BICDL1: variants seen among roughly 807,000 people sequenced by gnomAD.
BICDL1 encodes the protein BICD family like cargo adaptor 1.
Under a neutral mutation model 76.8 loss-of-function variants are expected in BICDL1, and 20 were observed. That is an observed-to-expected ratio of 0.26 (90% CI 0.18 to 0.38). BICDL1 has a LOEUF of 0.38. BICDL1 is among the 10% of genes least tolerant of loss of function. BICDL1 has a pLI of 1.00. For synonymous variants in BICDL1, 383 were observed against 337.1 expected, an observed-to-expected ratio of 1.14 and a Z score of -1.49; for missense variants, 700 against 798.6, an observed-to-expected ratio of 0.88 and a Z score of 1.49.
At chr12:120,057,776 C>T (rs904631285) in intron 2 of BICDL1, among the ~76,000 whole-genome samples, 3 of 150,296 alleles carry the variant, frequency 2.0e-5, no homozygotes, top group Non-Finnish European at 2.9e-5. Flanking sequence ...ACCCTTGGAG[C>T]CTCTATCTCC....
chr12:120,052,733 T>TG (rs1463915199), intron 2 of BICDL1, among the ~76,000 whole-genome samples: 1 of 152,254 alleles, frequency 6.6e-6, no homozygotes, highest in Non-Finnish European at 1.5e-5. Context: ...TCTCTGGTCT[T>TG]GCCTGCAGCA....
intron 1 of BICDL1, chr12:119,992,782 A>G (rs1951551764): frequency 6.6e-6 from 1 of 152,212 alleles, no homozygotes; most frequent in South Asian, 2.1e-4. Context: ...AAAATTTATA[A>G]TCTTCCACAA....
intron 2 of BICDL1, among the ~76,000 whole-genome samples, chr12:120,038,574 G>T (rs962332944): frequency 6.6e-6 from 1 of 151,772 alleles, no homozygotes; most frequent in African/African-American, 2.4e-5. Flanking sequence ...TTCATTGTTG[G>T]TTTTCTTTAA....
At chr12:120,051,536 CTA>C (rs1484235366) in intron 2 of BICDL1, among the ~76,000 whole-genome samples, 2 of 151,690 alleles carry the variant, frequency 1.3e-5, no homozygotes, top group Non-Finnish European at 2.9e-5. Flanking sequence ...TATTAGAAAA[CTA>C]TTTATGGAGA....
chr12:120,047,860 T>C (rs981100340), intron 2 of BICDL1, among the ~76,000 whole-genome samples: 1 of 152,224 alleles, frequency 6.6e-6, no homozygotes, highest in African/African-American at 2.4e-5. Context: ...GTGCTTTATA[T>C]TGGCTGCTTC....
At chr12:119,999,835 T>C in intron 2 of BICDL1, 1 of 434,746 alleles carries the variant, frequency 2.3e-6, no homozygotes. Context: ...AACTCTTCAG[T>C]TACCGGAGGA....
intron 8 of BICDL1, among the ~76,000 whole-genome samples, chr12:120,089,366 C>G (rs1009950984): frequency 1.3e-5 from 2 of 150,904 alleles, no homozygotes; most frequent in Non-Finnish European, 2.9e-5. Flanking sequence ...CGGAGTTCTG[C>G]TCTTTCAACG....
At chr12:120,080,599 A>G in intron 7 of BICDL1, 1 of 263,170 alleles carries the variant, frequency 3.8e-6, no homozygotes, top group South Asian at 5.4e-5. Context: ...TGGAGGAGGT[A>G]GTATGCCGTG....
rs1028630279 is a variant in BICDL1, at chr12:120,079,757, C to T, written c.1453-1130C>T. On this transcript the variant is annotated intron_variant, in intron 7 of 9. Transcript: ENST00000548673. The surrounding 1 kb of genome is among the most constrained non-coding windows in gnomAD (Gnocchi z 4.3). ...GAATCAACAGGAAAGTGGGAGAACC[C>T]GGTTCCAAAACAAGAAAGGGCCATG... 6.6e-6 allele frequency among the ~76,000 whole-genome samples: 1 copy of T among 152,140 alleles called. No individual in the cohort carries two copies. The highest frequency in any genetic ancestry group is 1.5e-5 in the Non-Finnish European group (1 of 68,034).
intron 8 of BICDL1, among the ~76,000 whole-genome samples, chr12:120,089,627 C>T (rs1172661525): frequency 6.6e-6 from 1 of 152,212 alleles, no homozygotes; most frequent in Non-Finnish European, 1.5e-5. Flanking sequence ...GGTGATCCAC[C>T]CGCCTCGGCC....
At position 120,093,069 on chromosome 12, in the gene BICDL1, G is replaced by A. The variant is rs946501437; in HGVS notation, c.1774G>A (p.Ala592Thr). 8 of 1,604,730 alleles carry A rather than the reference G, an allele frequency of 5.0e-6. No individual in the cohort carries two copies. The African/African-American group carries it at 8.0e-5, about 16-fold the overall frequency. ...THLKERSQPA[A>T]ALCRGHSAGR... ...CCTGAAAGAACGGAGCCAGCCGGCT[G>A]CTGCCCTCTGCAGGGGCCACAGCGC... The change falls in exon 10 of 10, where the codon GCT (alanine) becomes ACT (threonine). Residue 592 changes from alanine (A) to threonine (T), a missense_variant. Physicochemically the swap from Ala to Thr is moderately conservative, Grantham distance 58. Transcript: ENST00000548673.
At chr12:120,010,168 T>C (rs1012692608) in intron 2 of BICDL1, among the ~76,000 whole-genome samples, 9 of 152,240 alleles carry the variant, frequency 5.9e-5, no homozygotes. Context: ...TCCATGCCAC[T>C]TCTATTAACT....
intron 4 of BICDL1, among the ~76,000 whole-genome samples, chr12:120,065,234 C>CTCTAACTCAGCTCA (rs1295110712): frequency 2.0e-5 from 3 of 152,170 alleles, no homozygotes; most frequent in Non-Finnish European, 2.9e-5. Flanking sequence ...GCCTGTGACT[C>CTCTAACTCAGCTCA]TCTAACTCAG....
chr12:119,992,402 T>C (rs947151959), intron 1 of BICDL1: 1 of 152,244 alleles, frequency 6.6e-6, no homozygotes, highest in East Asian at 1.9e-4. Flanking sequence ...CTGTACTTTG[T>C]ACTTTTTTCT....
intron 1 of BICDL1, among the ~76,000 whole-genome samples, chr12:119,994,062 T>G (rs1951584936): frequency 6.6e-6 from 1 of 152,260 alleles, no homozygotes; most frequent in African/African-American, 2.4e-5. Flanking sequence ...TACACCTTTT[T>G]TCTTCAGGAA....
chr12:120,090,524 C>T (rs1162738822), intron 9 of BICDL1, among the ~76,000 whole-genome samples: 1 of 152,194 alleles, frequency 6.6e-6, no homozygotes, highest in Admixed American at 6.5e-5. Context: ...CTGGCACAGG[C>T]CCTGGGGAAG....
Position 120,071,489 on chromosome 12 carries a change from T to C in BICDL1, c.910-133T>C. 1 of 1,298,960 alleles carries C rather than the reference T, an allele frequency of 7.7e-7. No individual in the cohort carries two copies. The allele number at this position is 1,298,960 out of a possible 1,614,324, so 80.5% of individuals were successfully genotyped here. On this transcript the variant is annotated intron_variant, in intron 4 of 9. Coordinates refer to ENST00000548673, the MANE Select transcript of BICDL1 (RefSeq NM_001367886.1). The surrounding 1 kb of genome is among the most constrained non-coding windows in gnomAD (Gnocchi z 4.8). ...TGCTGAGTGCATCTCCTGATGTAGT[T>C]TAACATGTTCTTCTCTCCTATTTAT...
At chr12:120,006,040 A>G (rs1207031376) in intron 2 of BICDL1, among the ~76,000 whole-genome samples, 1 of 152,216 alleles carries the variant, frequency 6.6e-6, no homozygotes. Flanking sequence ...ATCTACCTTC[A>G]TCAAGAGTGC....
chr12:120,024,928 T>C (rs1952258820), intron 2 of BICDL1, among the ~76,000 whole-genome samples: 1 of 152,170 alleles, frequency 6.6e-6, no homozygotes. Flanking sequence ...TCTTCCCGCC[T>C]TGGCCTCCCA....
Sources: gnomAD v4.1 joint callset for allele counts (sites outside exome capture counted in the v4.1 genomes callset) on GRCh38, gnomAD v4.1.1 for gene constraint, Gnocchi (gnomAD v3.1) non-coding constraint, MANE v1.5 for transcripts, NCBI Gene and HGNC (gene_info 2026-07-23, HGNC 2026-07-21) for gene names.